The following PTPRN2 variants were observed in gnomAD, a reference collection of about 807,000 sequenced individuals.
The protein encoded by PTPRN2 is receptor-type tyrosine-protein phosphatase N2.
PTPRN2 carries 74 observed loss-of-function variants against 118.8 expected under a neutral mutation model. That is an observed-to-expected ratio of 0.62 (90% confidence interval 0.52 to 0.76). The LOEUF (loss-of-function observed/expected upper bound fraction) is 0.76, where lower values mean the gene tolerates loss of function less well. Ranked by LOEUF, PTPRN2 falls within the 30% of genes least tolerant of loss-of-function variation. PTPRN2 has a pLI of 0.00. For synonymous variants in PTPRN2, 641 were observed against 608.0 expected (o/e 1.05, Z -0.80); for missense variants, 1,481 against 1,394.4 (o/e 1.06, Z -0.99).
chr7:158,374,570 G>A (rs183827921), intron 2 of PTPRN2, among the ~76,000 whole-genome samples: 25 of 152,294 alleles, frequency 1.6e-4, no homozygotes, highest in South Asian at 8.3e-4. Flanking sequence ...AAGAAAAAAA[G>A]AAAGAACAAA....
At chr7:158,445,451 G>A (rs1817653532) in intron 2 of PTPRN2, among the ~76,000 whole-genome samples, 1 of 152,176 alleles carries the variant, frequency 6.6e-6, no homozygotes, top group Non-Finnish European at 1.5e-5. Flanking sequence ...CTGAGTGCAG[G>A]CGCCAGAAAC....
At chr7:158,112,347 A>G (rs748502558) in intron 9 of PTPRN2, among the ~76,000 whole-genome samples, 14 of 152,210 alleles carry the variant, frequency 9.2e-5, no homozygotes, top group Non-Finnish European at 1.8e-4. Flanking sequence ...AGCTGGAAAC[A>G]GGGTATCAGA....
At chr7:158,283,399 A>G (rs1197261999) in intron 3 of PTPRN2, among the ~76,000 whole-genome samples, 1 of 152,176 alleles carries the variant, frequency 6.6e-6, no homozygotes, top group Non-Finnish European at 1.5e-5. Context: ...CTTGTAGCCA[A>G]GACGGGGCAG....
At chr7:158,441,361 ATGGCAGTGGTGGCAGTGG>A (rs1817157386) in intron 2 of PTPRN2, among the ~76,000 whole-genome samples, 4 of 132,722 alleles carry the variant, frequency 3.0e-5, no homozygotes, top group South Asian at 2.6e-4. Flanking sequence ...GGTGATGGTG[ATGGCAGTGGTGGCAGTGG>A]TGGTGGTGGT....
chr7:157,824,873 C>T (rs1807070804), intron 12 of PTPRN2, among the ~76,000 whole-genome samples: 1 of 152,192 alleles, frequency 6.6e-6, no homozygotes, highest in Non-Finnish European at 1.5e-5. Flanking sequence ...ATGATGGAAC[C>T]ACTTCCACAT....
Position 158,549,089 on chromosome 7 carries a change from AG to A in PTPRN2, c.112+38468del, listed in dbSNP as rs1385098014. ...CAGGACTGAGAAGCTGGTTTTCCAC[AG>A]GTTCTTGTCATCCAAGGCGAGCACA... On this transcript the variant is annotated intron_variant, in intron 1 of 22. Coordinates refer to ENST00000389418, the MANE Select transcript of PTPRN2 (RefSeq NM_002847.5). Among the ~76,000 whole-genome samples, 3 of 152,342 alleles carry A rather than the reference AG, an allele frequency of 2.0e-5. No homozygotes were observed. In the South Asian group the frequency reaches 6.2e-4, roughly 32 times the overall value.
chr7:157,814,007 C>T lies in PTPRN2; in HGVS notation c.1788+84666G>A, dbSNP rs147732089. Reference sequence around the variant, plus strand: ...CCTTAGAGTGAGGGGGATTGTTCTGCCCCAATGGCCTCTTCAGAGCTGCGA... The same window carrying T: ...CCTTAGAGTGAGGGGGATTGTTCTGTCCCAATGGCCTCTTCAGAGCTGCGA... On this transcript the variant is annotated intron_variant, in intron 12 of 22. Coordinates refer to ENST00000389418, the MANE Select transcript of PTPRN2 (RefSeq NM_002847.5). Among the ~76,000 whole-genome samples, 640 of 152,348 alleles carry T rather than the reference C, an allele frequency of 4.2e-3. 1 individual carries two copies. Among genetic ancestry groups the T allele is most frequent in the Non-Finnish European group, 7.0e-3 (476 of 68,026 alleles).
intron 2 of PTPRN2, among the ~76,000 whole-genome samples, chr7:158,360,329 T>A (rs1285714061): frequency 7.4e-4 from 1 of 1,354 alleles, no homozygotes; most frequent in Non-Finnish European, 1.4e-3. Context: ...ACATCCACCC[T>A]CACCCAGGAT....
chr7:158,216,435 T>C (rs1827960305), intron 3 of PTPRN2, among the ~76,000 whole-genome samples: 1 of 151,948 alleles, frequency 6.6e-6, no homozygotes, highest in African/African-American at 2.4e-5. Flanking sequence ...GTGGGTTTTT[T>C]TTAAAAAAAG....
intron 11 of PTPRN2, among the ~76,000 whole-genome samples, chr7:158,063,357 A>C (rs959944231): frequency 6.6e-6 from 1 of 152,220 alleles, no homozygotes; most frequent in African/African-American, 2.4e-5. Flanking sequence ...TGTCTAGCTC[A>C]GGGATTGTAA....
chr7:158,392,398 C>T (rs933154623), intron 2 of PTPRN2, among the ~76,000 whole-genome samples: 2 of 152,196 alleles, frequency 1.3e-5, no homozygotes, highest in Non-Finnish European at 2.9e-5. Context: ...TCTGTCCATG[C>T]GTCAGCTCAC....
chr7:158,171,346 T>C (rs796543127), intron 5 of PTPRN2, among the ~76,000 whole-genome samples: 3,629 of 117,566 alleles, frequency 0.031, 350 homozygotes, highest in African/African-American at 0.13. Context: ...TATATATATA[T>C]ATACACACAC....
intron 9 of PTPRN2, among the ~76,000 whole-genome samples, chr7:158,118,547 CATTAATTACTTT>C (rs995645128): frequency 6.6e-5 from 10 of 152,144 alleles, no homozygotes; most frequent in African/African-American, 2.4e-4. Flanking sequence ...CCCTCCTCAT[CATTAATTACTTT>C]AAATGTAAAT....
intron 2 of PTPRN2, among the ~76,000 whole-genome samples, chr7:158,481,871 C>T (rs1039105847): frequency 6.6e-6 from 1 of 152,174 alleles, no homozygotes; most frequent in Admixed American, 6.5e-5. Flanking sequence ...AAAAATTCAC[C>T]GTTCTAGATG....
chr7:158,536,009 C>A (rs567271441), intron 1 of PTPRN2, among the ~76,000 whole-genome samples: 1 of 150,618 alleles, frequency 6.6e-6, no homozygotes, highest in South Asian at 2.1e-4. Flanking sequence ...ACCAGAACCC[C>A]ACACATAACC....
intron 12 of PTPRN2, among the ~76,000 whole-genome samples, chr7:157,855,297 C>T (rs1039437910): frequency 6.6e-5 from 10 of 152,184 alleles, no homozygotes; most frequent in Non-Finnish European, 1.3e-4. Flanking sequence ...CCAACCCACG[C>T]GCCGGCTTCT....
chr7:157,860,348 C>A (rs1810137522), intron 12 of PTPRN2, among the ~76,000 whole-genome samples: 1 of 152,236 alleles, frequency 6.6e-6, no homozygotes, highest in South Asian at 2.1e-4. Context: ...AAGCAGCCCA[C>A]CCCACAGTCC....
intron 2 of PTPRN2, among the ~76,000 whole-genome samples, chr7:158,327,616 G>C (rs1335678181): frequency 6.6e-6 from 1 of 152,346 alleles, no homozygotes; most frequent in East Asian, 1.9e-4. Context: ...CAGAATAGCA[G>C]AAGGAGCCCT....
In PTPRN2 at chr7:157,903,357, G is replaced by T. The variant is rs866378937; in HGVS notation, c.1724-4620C>A. 0.015 allele frequency among the ~76,000 whole-genome samples: 2,348 copies of T among 152,034 alleles called. 55 individuals are homozygous for T. The highest frequency in any genetic ancestry group is 0.054 in the African/African-American group (2,244 of 41,458). On this transcript the variant is annotated intron_variant, in intron 11 of 22. Transcript: ENST00000389418. This position sits in a 1 kb window ranked among gnomAD's most constrained non-coding sequence, Gnocchi z 4.2. ...CCTGCAAGACGGGAGCAAGCAAGAC[G>T]GTACCCCAAACCTCAGCATCACCAG...
Sources: gnomAD v4.1 joint callset for allele counts (sites outside exome capture counted in the v4.1 genomes callset) on GRCh38, gnomAD v4.1.1 for gene constraint, Gnocchi (gnomAD v3.1) non-coding constraint, MANE v1.5 for transcripts, NCBI Gene and HGNC (gene_info 2026-07-23, HGNC 2026-07-21) for gene names.